CCDC7: variants seen among roughly 807,000 people sequenced by gnomAD.
CCDC7 encodes coiled-coil domain-containing protein 7.
Under a neutral mutation model 196.9 loss-of-function variants are expected in CCDC7, and 183 were observed. The observed-to-expected ratio is 0.93, with a 90% confidence interval of 0.82 to 1.05. CCDC7 has a LOEUF of 1.05. Among genes scored for constraint, CCDC7 ranks in the 50% least tolerant of loss-of-function variants. The probability of loss-of-function intolerance (pLI) is 0.00; values close to 1 mark genes in which losing one functional copy is unlikely to be tolerated. For missense variants in CCDC7, 1,540 were observed against 1,482.2 expected, an observed-to-expected ratio of 1.04 and a Z score of -0.64; for synonymous variants, 525 against 484.6, an observed-to-expected ratio of 1.08 and a Z score of -1.10.
intron 21 of CCDC7, among the ~76,000 whole-genome samples, chr10:32,684,957 ATTTT>A (rs34155403): frequency 0.12 from 17,218 of 148,636 alleles, 1,035 homozygotes; most frequent in East Asian, 0.17. Context: ...ATTTAATTTA[ATTTT>A]TTTTTTTTTT....
chr10:32,761,239 A>G (rs2077420008), intron 28 of CCDC7, among the ~76,000 whole-genome samples: 1 of 151,990 alleles, frequency 6.6e-6, no homozygotes, highest in South Asian at 2.1e-4. Context: ...CAGTTACCAC[A>G]TACCTTGTTT....
intron 33 of CCDC7, among the ~76,000 whole-genome samples, chr10:32,843,166 CA>C (rs984146344): frequency 1.4e-4 from 21 of 150,580 alleles, no homozygotes; most frequent in Non-Finnish European, 2.8e-4. Flanking sequence ...GGAACAAATG[CA>C]AAAAAATATA....
intron 11 of CCDC7, among the ~76,000 whole-genome samples, chr10:32,539,053 G>T (rs1216302453): frequency 2.6e-5 from 4 of 151,972 alleles, no homozygotes; most frequent in African/African-American, 9.7e-5. Flanking sequence ...AATTTTAGTA[G>T]GAATTTAGTA....
At chr10:32,728,568 T>C (rs1055136368) in intron 26 of CCDC7, among the ~76,000 whole-genome samples, 10 of 152,136 alleles carry the variant, frequency 6.6e-5, no homozygotes, top group Non-Finnish European at 1.3e-4. Context: ...CTTATGCATA[T>C]GCATTTTCAT....
chr10:32,752,260 A>G (rs1592348813), intron 28 of CCDC7, among the ~76,000 whole-genome samples: 2 of 152,264 alleles, frequency 1.3e-5, no homozygotes, highest in East Asian at 1.9e-4. Flanking sequence ...AGCTAACACT[A>G]TGGTAAATGC....
chr10:32,471,694 C>A (rs1431013283), intron 6 of CCDC7, among the ~76,000 whole-genome samples: 1 of 152,058 alleles, frequency 6.6e-6, no homozygotes, highest in African/African-American at 2.4e-5. Context: ...CATTTATAAG[C>A]AACCATGTTT....
intron 13 of CCDC7, among the ~76,000 whole-genome samples, chr10:32,559,033 A>G (rs1000135709): frequency 6.6e-6 from 1 of 152,234 alleles, no homozygotes; most frequent in Admixed American, 6.5e-5. Context: ...CATGGCTTGG[A>G]GGGTCGTACG....
rs374629444 is a variant in CCDC7 at position 32,735,557 on chromosome 10, G to A, written c.2905+6100G>A. On this transcript the variant is annotated intron_variant, in intron 28 of 41. Transcript: ENST00000639629. ...CAGCTCTGTTGCCCATGTTGTAATA[G>A]GTTTATTTCTTTTTCTTATTGTGTC... 3.7e-4 allele frequency among the ~76,000 whole-genome samples: 56 copies of A among 152,126 alleles called. 1 individual carries two copies. In the East Asian group the frequency reaches 4.3e-3, roughly 12 times the overall value.
rs117985350 is a variant in CCDC7, at chr10:32,630,869, G to T, written c.1802-3385G>T. On this transcript the variant is annotated intron_variant, in intron 18 of 41. Coordinates refer to ENST00000639629, the Ensembl canonical transcript of CCDC7. ...TTGAGTCTTCTTCCAGTCAGGAAAT[G>T]GGGTCTACCCAACCTCTTGTGAGTT... Among the ~76,000 whole-genome samples, 1,203 of 152,268 alleles carry T rather than the reference G, an allele frequency of 7.9e-3. 7 individuals carry two copies. The highest frequency in any genetic ancestry group is 0.021 in the Middle Eastern group (6 of 292).
At chr10:32,717,473 T>A (rs2081777588) in intron 25 of CCDC7, among the ~76,000 whole-genome samples, 1 of 152,002 alleles carries the variant, frequency 6.6e-6, no homozygotes, top group Non-Finnish European at 1.5e-5. Flanking sequence ...TTAAAAGAAC[T>A]AGAGAAGGAT....
intron 9 of CCDC7, among the ~76,000 whole-genome samples, chr10:32,498,285 T>C (rs983580162): frequency 4.6e-5 from 7 of 152,254 alleles, no homozygotes; most frequent in Admixed American, 3.9e-4. Flanking sequence ...ATGTGTGTCT[T>C]TGCATGTGAG....
intron 26 of CCDC7, among the ~76,000 whole-genome samples, chr10:32,727,705 G>T (rs4145862): frequency 6.6e-6 from 1 of 152,072 alleles, no homozygotes; most frequent in African/African-American, 2.4e-5. Flanking sequence ...CTAATATATC[G>T]CTTTCCTGCT....
At chr10:32,815,620 T>A (rs981776197) in intron 31 of CCDC7, among the ~76,000 whole-genome samples, 1 of 152,196 alleles carries the variant, frequency 6.6e-6, no homozygotes, top group Admixed American at 6.5e-5. Flanking sequence ...AAATATTTAC[T>A]AGGTAATATT....
At chr10:32,759,028 A>G (rs1310518010) in intron 28 of CCDC7, among the ~76,000 whole-genome samples, 1 of 152,146 alleles carries the variant, frequency 6.6e-6, no homozygotes, top group African/African-American at 2.4e-5. Context: ...TAGGAATCCA[A>G]CTTACAAGGG....
intron 20 of CCDC7, among the ~76,000 whole-genome samples, chr10:32,637,889 A>G (rs1364066825): frequency 6.6e-6 from 1 of 152,016 alleles, no homozygotes; most frequent in Non-Finnish European, 1.5e-5. Flanking sequence ...ATTTATTTGT[A>G]TCCTCTTTTA....
intron 20 of CCDC7, among the ~76,000 whole-genome samples, chr10:32,662,796 G>A (rs1485782729): frequency 6.6e-6 from 1 of 152,172 alleles, no homozygotes; most frequent in African/African-American, 2.4e-5. Flanking sequence ...GTTCAATTGA[G>A]CTAGATAACC....
At chr10:32,506,900 G>A (rs918008098) in intron 9 of CCDC7, among the ~76,000 whole-genome samples, 2 of 152,104 alleles carry the variant, frequency 1.3e-5, no homozygotes, top group Non-Finnish European at 2.9e-5. Context: ...ATTATATAAC[G>A]ACCTTTGTCT....
intron 28 of CCDC7, among the ~76,000 whole-genome samples, chr10:32,765,975 ACTCT>A (rs1300379154): frequency 1.3e-5 from 2 of 151,914 alleles, no homozygotes; most frequent in Non-Finnish European, 2.9e-5. Context: ...CAGTTCTCCC[ACTCT>A]CTATCATAAT....
intron 41 of CCDC7, among the ~76,000 whole-genome samples, chr10:32,872,268 T>C (rs1279146071): frequency 1.3e-5 from 2 of 152,048 alleles, no homozygotes; most frequent in South Asian, 4.1e-4. Context: ...TCTAAGGACT[T>C]GCTTCCTGTT....
Sources: gnomAD v4.1 joint callset for allele counts (sites outside exome capture counted in the v4.1 genomes callset) on GRCh38, gnomAD v4.1.1 for gene constraint, MANE v1.5 for transcripts, NCBI Gene and HGNC (gene_info 2026-07-23, HGNC 2026-07-21) for gene names.